ABL1: variants seen among roughly 807,000 people sequenced by gnomAD.
ABL1 encodes ABL proto-oncogene 1, non-receptor tyrosine kinase.
Under a neutral mutation model 94.7 loss-of-function variants are expected in ABL1, and 11 were observed. The observed-to-expected ratio is 0.12, with a 90% CI of 0.07 to 0.19. ABL1 has a LOEUF of 0.19. Among genes scored for constraint, ABL1 ranks in the 10% least tolerant of loss-of-function variants. The pLI is 1.00. For missense variants in ABL1, 1,082 were observed against 1,489.4 expected (o/e 0.73, Z 4.50); for synonymous variants, 656 against 622.4 (o/e 1.05, Z -0.80).
chr9:130,827,127 C>T (rs1830437139), intron 1 of ABL1, among the ~76,000 whole-genome samples: 1 of 152,130 alleles, frequency 6.6e-6, no homozygotes, highest in Non-Finnish European at 1.5e-5. Flanking sequence ...CACTCAGGAG[C>T]CTGACCCCCA....
intron 1 of ABL1, among the ~76,000 whole-genome samples, chr9:130,766,122 G>C (rs1588230918): frequency 1.3e-5 from 2 of 152,240 alleles, no homozygotes; most frequent in African/African-American, 2.4e-5. Flanking sequence ...GCTTGTGACT[G>C]TGAGGGCCCC....
Position 130,826,991 on chromosome 9 carries a change from T to C in ABL1, c.137-27073T>C, listed in dbSNP as rs566798766. The stretch of plus-strand genomic sequence containing the variant: ...TACTCAGGAGGCTGAGGCAGGAGAA[T>C]GGCGTGAACCCTGAAGGCGGAGCTT... On this transcript the variant is annotated intron_variant, in intron 1 of 10. Transcript: ENST00000372348. Among the ~76,000 whole-genome samples the C allele has an allele frequency of 2.0e-5, 3 of 152,002 alleles. No homozygotes were observed. The East Asian group carries it at 5.8e-4, about 30-fold the overall frequency.
chr9:130,804,475 T>G (rs1258979758), intron 1 of ABL1, among the ~76,000 whole-genome samples: 2 of 151,904 alleles, frequency 1.3e-5, no homozygotes, highest in Non-Finnish European at 2.9e-5. Context: ...TCCCAGCTAC[T>G]TAGGAGGCTG....
At chr9:130,803,339 GCT>G (rs1830081848) in intron 1 of ABL1, among the ~76,000 whole-genome samples, 1 of 152,080 alleles carries the variant, frequency 6.6e-6, no homozygotes, top group Admixed American at 6.6e-5. Context: ...CGCCCAGCCG[GCT>G]CTCTTTGTTA....
intron 1 of ABL1, among the ~76,000 whole-genome samples, chr9:130,716,072 CTTTTTTT>C (rs71389339): frequency 6.6e-5 from 6 of 91,216 alleles, no homozygotes; most frequent in South Asian, 3.6e-4. Flanking sequence ...GAAAAATGTC[CTTTTTTT>C]TTTTTTTTTT....
intron 1 of ABL1, among the ~76,000 whole-genome samples, chr9:130,822,912 C>G (rs1830382952): frequency 6.6e-6 from 1 of 152,006 alleles, no homozygotes; most frequent in South Asian, 2.1e-4. Flanking sequence ...ATTCTTCTGC[C>G]TCAGCATCCC....
chr9:130,755,113 G>A (rs976618408), intron 1 of ABL1, among the ~76,000 whole-genome samples: 6 of 152,158 alleles, frequency 3.9e-5, no homozygotes, highest in African/African-American at 1.4e-4. Context: ...CTTGGCACAT[G>A]GTAGATCTTC....
At chr9:130,806,284 A>G (rs1022991444) in intron 1 of ABL1, among the ~76,000 whole-genome samples, 4 of 152,164 alleles carry the variant, frequency 2.6e-5, no homozygotes, top group Admixed American at 6.5e-5. Context: ...TATAATTTCA[A>G]CCCACAAGGA....
chr9:130,829,012 A>C (rs188257361), intron 1 of ABL1, among the ~76,000 whole-genome samples: 4 of 152,320 alleles, frequency 2.6e-5, no homozygotes, highest in Admixed American at 1.3e-4. Context: ...AAAGAGAAAA[A>C]AAGCAAGTCA....
At chr9:130,855,243 T>C in intron 3 of ABL1, 147 bp downstream of exon 3, 1 of 890,026 alleles carries the variant, frequency 1.1e-6, no homozygotes, top group Non-Finnish European at 1.7e-6. Flanking sequence ...ATTAGCCTTA[T>C]GAAGACCCTT....
Position 130,862,159 on chromosome 9 carries a change from A to G in ABL1, c.550-604A>G, listed in dbSNP as rs1173391285. Among the ~76,000 whole-genome samples the G allele has an allele frequency of 6.6e-6, 1 of 152,186 alleles. No individual in the cohort carries two copies. The highest frequency in any genetic ancestry group is 6.5e-5 in the Admixed American group (1 of 15,280). On this transcript the variant is annotated intron_variant, in intron 3 of 10. Transcript: ENST00000318560. This position sits in a 1 kb window ranked among gnomAD's most constrained non-coding sequence, Gnocchi z 5.5. ...ATTAAATGAATTCTTCGCTTTTCCTACCAGCAACTACCCACCAAGTTCTAC... is the reference window on the plus strand; with the variant it reads ...ATTAAATGAATTCTTCGCTTTTCCTGCCAGCAACTACCCACCAAGTTCTAC...
intron 1 of ABL1, among the ~76,000 whole-genome samples, chr9:130,764,054 G>A (rs1832151075): frequency 6.6e-6 from 1 of 152,164 alleles, no homozygotes; most frequent in Non-Finnish European, 1.5e-5. Flanking sequence ...GGGCGTTTGG[G>A]AGGTGAGGGT....
At chr9:130,754,049 T>TA (rs1182303645) in intron 1 of ABL1, among the ~76,000 whole-genome samples, 1 of 140,192 alleles carries the variant, frequency 7.1e-6, no homozygotes, top group African/African-American at 2.7e-5. Flanking sequence ...TACTAAAATA[T>TA]AAAAAAAATT....
At chr9:130,882,576 C>T (rs1037418482) in intron 10 of ABL1, among the ~76,000 whole-genome samples, 1 of 151,966 alleles carries the variant, frequency 6.6e-6, no homozygotes, top group Non-Finnish European at 1.5e-5. Flanking sequence ...CACTCTGTTG[C>T]CAGGCTGGAG....
At chr9:130,735,245 G>A (rs954308507) in intron 1 of ABL1, among the ~76,000 whole-genome samples, 9 of 152,056 alleles carry the variant, frequency 5.9e-5, no homozygotes, top group Non-Finnish European at 1.0e-4. Flanking sequence ...GGCCAGGCTG[G>A]TCTTGAACTC....
At chr9:130,809,099 C>A (rs1280420699) in intron 1 of ABL1, among the ~76,000 whole-genome samples, 1 of 152,116 alleles carries the variant, frequency 6.6e-6, no homozygotes, top group Non-Finnish European at 1.5e-5. Context: ...CTAGAGTTCA[C>A]AGGCAGAGAA....
chr9:130,871,451 A>C (rs771906371), intron 4 of ABL1, among the ~76,000 whole-genome samples: 2 of 152,164 alleles, frequency 1.3e-5, no homozygotes, highest in Non-Finnish European at 2.9e-5. Context: ...TGGACTTGTT[A>C]AAATGTGACA....
chr9:130,837,064 C>T (rs907995836), intron 1 of ABL1, among the ~76,000 whole-genome samples: 1 of 152,130 alleles, frequency 6.6e-6, no homozygotes, highest in Non-Finnish European at 1.5e-5. Flanking sequence ...CCCTTCTTGC[C>T]ACAGTTTGTG....
rs182569041 is a variant in ABL1, at chr9:130,786,523, G to C, written c.137-67541G>C. Among the ~76,000 whole-genome samples the C allele has an allele frequency of 5.9e-5, 9 of 152,232 alleles. No individual in the cohort carries two copies. In the East Asian group the frequency reaches 1.7e-3, roughly 29 times the overall value. On this transcript the variant is annotated intron_variant, in intron 1 of 10. Coordinates refer to the ABL1 transcript ENST00000372348. ...TAAATTTTCCCTATTGAAATGACTG[G>C]TGTGGTTTCTGTCTCCTGACTGGTA...
Sources: gnomAD v4.1 joint callset for allele counts (sites outside exome capture counted in the v4.1 genomes callset) on GRCh38, gnomAD v4.1.1 for gene constraint, Gnocchi (gnomAD v3.1) non-coding constraint, MANE v1.5 for transcripts, NCBI Gene and HGNC (gene_info 2026-07-23, HGNC 2026-07-21) for gene names.